Variants in ADAM23 observed in about 807,000 individuals in gnomAD.
The protein encoded by ADAM23 is ADAM metallopeptidase domain 23, also known as disintegrin and metalloproteinase domain-containing protein 23.
ADAM23 carries 33 observed loss-of-function variants against 120.1 expected under a neutral mutation model. The ratio of observed to expected loss-of-function variants is 0.27; its 90% CI spans 0.21 to 0.37. The LOEUF is 0.37. Among genes scored for constraint, ADAM23 ranks in the 10% least tolerant of loss-of-function variants. The pLI is 1.00. For synonymous variants in ADAM23, 367 were observed against 375.2 expected (o/e 0.98, Z 0.25); for missense variants, 862 against 1,058.2 (o/e 0.81, Z 2.57).
intron 14 of ADAM23, among the ~76,000 whole-genome samples, chr2:206,566,916 C>T (rs1159405278): frequency 6.6e-6 from 1 of 151,758 alleles, no homozygotes; most frequent in African/African-American, 2.4e-5. Context: ...CTTTAAAATA[C>T]AGCCTATTTG....
At chr2:206,562,102 C>G (rs1221496098) in intron 12 of ADAM23, 101 bp from the exon 13 acceptor site, 3 of 968,552 alleles carry the variant, frequency 3.1e-6, no homozygotes, top group Non-Finnish European at 4.8e-6. Context: ...ACAGGCTCTA[C>G]TTAGGGAACT....
In ADAM23 at chr2:206,599,930, G is replaced by A. The variant is rs183892759; in HGVS notation, c.2359+3768G>A. ...AAAAATGCATGTTGTGGCCGGGCAC[G>A]GTGGCTCACGCCTGTAATCCCAGCA... is the stretch of plus-strand genomic sequence containing the variant. On this transcript the variant is annotated intron_variant, in intron 24 of 25. Transcript: ENST00000264377. Among the ~76,000 whole-genome samples, 7 of 152,304 alleles carry A rather than the reference G, an allele frequency of 4.6e-5. No individual in the cohort carries two copies. In the East Asian group the frequency reaches 1.2e-3, roughly 25 times the overall value.
At chr2:206,501,829 A>G (rs1443347793) in intron 3 of ADAM23, among the ~76,000 whole-genome samples, 1 of 152,144 alleles carries the variant, frequency 6.6e-6, no homozygotes, top group Admixed American at 6.6e-5. Context: ...AGAGAAGTTA[A>G]TACCTACCCA....
At chr2:206,448,543 C>T (rs116728512) in intron 2 of ADAM23, among the ~76,000 whole-genome samples, 3,010 of 152,080 alleles carry the variant, frequency 0.02, 102 homozygotes, top group African/African-American at 0.068. Context: ...GCTGGGGGTC[C>T]CTAAATAGCT....
intron 3 of ADAM23, among the ~76,000 whole-genome samples, chr2:206,507,649 T>G (rs1171159985): frequency 2.6e-5 from 4 of 152,244 alleles, no homozygotes; most frequent in African/African-American, 9.6e-5. Flanking sequence ...GGATTTATTG[T>G]ATGGCTTTTT....
In ADAM23 at chr2:206,568,232, T is replaced by G. The variant is rs567482084; in HGVS notation, c.1494+910T>G. On this transcript the variant is annotated intron_variant, in intron 15 of 25. Coordinates refer to ENST00000264377, the MANE Select transcript of ADAM23 (RefSeq NM_003812.4). Reference sequence around the variant, plus strand: ...GATACCATAAATACACATACGTGTTTATAATGCATTGTCTCTTTACCTGGA... The same window carrying G: ...GATACCATAAATACACATACGTGTTGATAATGCATTGTCTCTTTACCTGGA... Among the ~76,000 whole-genome samples, 4 of 152,308 alleles carry G rather than the reference T, an allele frequency of 2.6e-5. No individual in the cohort carries two copies. The East Asian group carries it at 5.8e-4, about 22-fold the overall frequency.
At chr2:206,458,950 T>G (rs1695357256) in intron 2 of ADAM23, among the ~76,000 whole-genome samples, 1 of 152,160 alleles carries the variant, frequency 6.6e-6, no homozygotes, top group African/African-American at 2.4e-5. Context: ...CAGACATAAA[T>G]TCTGTTTTTA....
At chr2:206,496,921 C>T (rs908870600) in intron 3 of ADAM23, among the ~76,000 whole-genome samples, 35 of 151,076 alleles carry the variant, frequency 2.3e-4, no homozygotes, top group South Asian at 2.1e-4. Context: ...ATAAATTCCT[C>T]GACACATACA....
At chr2:206,481,474 TC>T (rs2105878212) in intron 3 of ADAM23, among the ~76,000 whole-genome samples, 166 bp downstream of exon 3, 1 of 152,346 alleles carries the variant, frequency 6.6e-6, no homozygotes, top group Admixed American at 6.5e-5. Context: ...TATATTTTTT[TC>T]CGAAATAAAA....
chr2:206,620,351 T>C lies in ADAM23; in HGVS notation c.*2724T>C, dbSNP rs1250718169. On this transcript the variant is annotated 3_prime_UTR_variant, in exon 26 of 26. Coordinates refer to ENST00000264377, the MANE Select transcript of ADAM23 (RefSeq NM_003812.4). ...GCTCCAATGTTAAATTATTTGTGTA[T>C]ATGTAAAATACACAAGCTTTAAGCT... 1 of 152,218 alleles carries C rather than the reference T, an allele frequency of 6.6e-6. No homozygotes were observed. Among genetic ancestry groups the C allele is most frequent in the Non-Finnish European group, 1.5e-5 (1 of 68,032 alleles). The allele number at this position is 152,218 out of a possible 1,614,324, so 9.4% of individuals were successfully genotyped here.
chr2:206,455,755 G>C (rs918142074), intron 2 of ADAM23, among the ~76,000 whole-genome samples: 1 of 152,088 alleles, frequency 6.6e-6, no homozygotes, highest in Non-Finnish European at 1.5e-5. Flanking sequence ...CTGGAGCAGG[G>C]CACAGTGCCT....
chr2:206,606,387 C>A (rs1416372331), intron 24 of ADAM23: 1 of 152,076 alleles, frequency 6.6e-6, no homozygotes, highest in Admixed American at 6.5e-5. Context: ...GAGGCTGCAG[C>A]TTAATTTTTT....
chr2:206,574,842 T>C (rs1043346787), intron 18 of ADAM23, among the ~76,000 whole-genome samples: 1 of 152,226 alleles, frequency 6.6e-6, no homozygotes, highest in Admixed American at 6.5e-5. Context: ...TTTATGTTTT[T>C]AATTTACCTA....
chr2:206,473,456 A>T (rs1373385908), intron 2 of ADAM23, among the ~76,000 whole-genome samples: 1 of 151,930 alleles, frequency 6.6e-6, no homozygotes, highest in African/African-American at 2.4e-5. Context: ...TATTTATGCC[A>T]GGGGTAGTGG....
chr2:206,547,076 G>A (rs1328002847), intron 6 of ADAM23, among the ~76,000 whole-genome samples: 2 of 151,784 alleles, frequency 1.3e-5, no homozygotes, highest in Non-Finnish European at 2.9e-5. Flanking sequence ...GCAAAAGTTG[G>A]TGCTTCATTA....
intron 3 of ADAM23, among the ~76,000 whole-genome samples, chr2:206,503,678 T>C (rs1198105326): frequency 2.0e-5 from 3 of 152,166 alleles, no homozygotes; most frequent in African/African-American, 7.2e-5. Context: ...TTCATTCCTT[T>C]GGCAAAGTAT....
chr2:206,452,521 A>G (rs1222438527), intron 2 of ADAM23, among the ~76,000 whole-genome samples: 2 of 152,194 alleles, frequency 1.3e-5, no homozygotes, highest in Non-Finnish European at 2.9e-5. Context: ...AAAATAACCC[A>G]GGAGGCCAGG....
At chr2:206,455,423 G>A (rs531005704) in intron 2 of ADAM23, among the ~76,000 whole-genome samples, 25 of 152,268 alleles carry the variant, frequency 1.6e-4, no homozygotes, top group African/African-American at 5.5e-4. Flanking sequence ...TATGATGGGA[G>A]GGGCTGCCAT....
chr2:206,501,267 T>C (rs1696381620), intron 3 of ADAM23, among the ~76,000 whole-genome samples: 1 of 152,140 alleles, frequency 6.6e-6, no homozygotes, highest in Admixed American at 6.6e-5. Context: ...TATTGAGAGC[T>C]CTTCTGGTGT....
Sources: allele counts gnomAD v4.1 joint callset (sites outside exome capture counted in the v4.1 genomes callset), GRCh38; gene constraint gnomAD v4.1.1; transcripts MANE v1.5; gene names NCBI Gene and HGNC (gene_info 2026-07-23, HGNC 2026-07-21).